AFF2: variants seen among roughly 807,000 people sequenced by gnomAD.
The protein encoded by AFF2 is AF4/FMR2 family member 2.
A neutral mutation model predicts 76.9 loss-of-function variants in AFF2; 14 were observed. The observed-to-expected ratio is 0.18, with a 90% CI of 0.12 to 0.28. The LOEUF is 0.28. Among genes scored for constraint, AFF2 ranks in the 10% least tolerant of loss-of-function variants. AFF2 has a pLI of 1.00. For missense variants in AFF2, 868 were observed against 1,001.1 expected, an observed-to-expected ratio of 0.87 and a Z score of 1.79; for synonymous variants, 398 against 366.7, an observed-to-expected ratio of 1.09 and a Z score of -0.98.
At chrX:148,981,708 A>T (rs1417028679) in intron 19 of AFF2, among the ~76,000 whole-genome samples, 2 of 112,099 alleles carry the variant, frequency 1.8e-5, no homozygotes. Context: ...TATAACTCCA[A>T]GCTGCTTTTT....
chrX:148,618,252 C>A (rs1265165521), intron 1 of AFF2, among the ~76,000 whole-genome samples: 2 of 111,327 alleles, frequency 1.8e-5, no homozygotes, highest in Non-Finnish European at 3.8e-5. Context: ...CTATAAAGAA[C>A]TGCCCAAGAT....
chrX:148,549,228 G>A (rs2052962818), intron 1 of AFF2, among the ~76,000 whole-genome samples: 1 of 112,261 alleles, frequency 8.9e-6, no homozygotes, highest in East Asian at 2.8e-4. Context: ...AAAAGCGAAT[G>A]AGCCTTAAAG....
At chrX:148,893,037 T>G (rs1396649441) in intron 8 of AFF2, among the ~76,000 whole-genome samples, 1 of 112,112 alleles carries the variant, frequency 8.9e-6, no homozygotes, top group Admixed American at 9.5e-5. Flanking sequence ...TGTCATTGCC[T>G]TTCATTGAAA....
At chrX:148,615,840 C>A (rs914818074) in intron 1 of AFF2, among the ~76,000 whole-genome samples, 10 of 111,522 alleles carry the variant, frequency 9.0e-5, no homozygotes, top group South Asian at 3.7e-4. Flanking sequence ...TGCCCCCCTC[C>A]CCAACCCAAA....
intron 1 of AFF2, among the ~76,000 whole-genome samples, chrX:148,553,190 C>T (rs981358476): frequency 2.7e-5 from 3 of 111,869 alleles, no homozygotes; most frequent in Admixed American, 9.5e-5. Context: ...TGAGTTTTGA[C>T]ATTTGCTTAC....
chrX:148,719,330 G>A, intron 3 of AFF2: 1 of 602,235 alleles, frequency 1.7e-6, no homozygotes, highest in Non-Finnish European at 2.6e-6. Context: ...TCACAGTGAG[G>A]TATTTCCTTT....
intron 3 of AFF2, among the ~76,000 whole-genome samples, chrX:148,750,299 C>G (rs1481340121): frequency 1.8e-5 from 2 of 111,396 alleles, no homozygotes; most frequent in Non-Finnish European, 3.8e-5. Context: ...TTCAGAGACT[C>G]CTATGCAGTC....
chrX:148,616,129 C>G (rs1358854186), intron 1 of AFF2, among the ~76,000 whole-genome samples: 1 of 111,618 alleles, frequency 9.0e-6, no homozygotes, highest in Non-Finnish European at 1.9e-5. Context: ...CCTGCCCCTC[C>G]TCAATGAGCG....
intron 3 of AFF2, among the ~76,000 whole-genome samples, chrX:148,778,320 T>C (rs1377281968): frequency 9.0e-6 from 1 of 111,387 alleles, no homozygotes; most frequent in Non-Finnish European, 1.9e-5. Flanking sequence ...TTTCTTTTTT[T>C]GTTGTGTCTC....
chrX:148,715,191 A>G (rs1265790633), intron 3 of AFF2, among the ~76,000 whole-genome samples: 4 of 111,283 alleles, frequency 3.6e-5, no homozygotes, highest in Admixed American at 9.6e-5. Flanking sequence ...GAAAGGACAC[A>G]TTATGTTTGC....
At chrX:148,938,378 T>C (rs1418869210) in intron 9 of AFF2, among the ~76,000 whole-genome samples, 1 of 112,361 alleles carries the variant, frequency 8.9e-6, no homozygotes, top group Admixed American at 9.5e-5. Flanking sequence ...ATTTACAGTA[T>C]TGTCTTGCGT....
At chrX:148,915,753 G>A (rs563509569) in intron 9 of AFF2, among the ~76,000 whole-genome samples, 17 of 112,204 alleles carry the variant, frequency 1.5e-4, no homozygotes, top group African/African-American at 3.9e-4. Context: ...ACCATGTTGC[G>A]CAGGTTTAAT....
At chrX:148,903,279 GA>G (rs1211763686) in intron 8 of AFF2, among the ~76,000 whole-genome samples, 5 of 110,075 alleles carry the variant, frequency 4.5e-5, no homozygotes, top group East Asian at 2.8e-4. Context: ...ACAGAAATAT[GA>G]AAAAAAAATC....
chrX:148,898,370 C>A (rs1210802991), intron 8 of AFF2, among the ~76,000 whole-genome samples: 3 of 111,992 alleles, frequency 2.7e-5, no homozygotes, highest in Non-Finnish European at 5.6e-5. Flanking sequence ...CAAAGTGGAG[C>A]CTTAGGAGGA....
In AFF2 at chrX:148,661,807, G is replaced by T. The variant is rs566156101; in HGVS notation, c.181-101G>T. 8.2e-6 allele frequency: 7 copies of T among 851,437 alleles called. No individual in the cohort carries two copies. In the South Asian group the frequency reaches 1.9e-4, roughly 23 times the overall value. 70.2% of individuals were successfully genotyped at this position (851,437 alleles called of 1,213,427 possible). ...CAGCAAGACATATTTAAAGAATCCC[G>T]TATGATAGTCTACTTAGGGCATCTG... On this transcript the variant is annotated intron_variant, in intron 2 of 20. Transcript: ENST00000370460.
rs1557287433 is a variant in AFF2, at chrX:148,956,609, A to G, written c.2564A>G (p.His855Arg). Reference sequence around the variant, plus strand: ...CCAGCCCCTAAGGGCAAACGTAAGCACAAGGTAAGCTGTCTAAAGTGGCCT... The same window carrying G: ...CCAGCCCCTAAGGGCAAACGTAAGCGCAAGGTAAGCTGTCTAAAGTGGCCT... ...EKPAPKGKRKHKPIEVAEKIP... is the reference protein window; with the variant it reads ...EKPAPKGKRKRKPIEVAEKIP... Residue 855 changes from histidine to arginine, a missense_variant, in exon 11 of 21, where the codon CAC becomes CGC. Physicochemically the swap from His to Arg is conservative, Grantham distance 29. Coordinates refer to ENST00000370460, the MANE Select transcript of AFF2 (RefSeq NM_002025.4). The G allele has an allele frequency of 8.3e-7, 1 of 1,207,498 alleles. No individual in the cohort carries two copies. Among genetic ancestry groups the G allele is most frequent in the East Asian group, 3.0e-5 (1 of 33,813 alleles).
At chrX:148,602,365 AT>A (rs1320744159) in intron 1 of AFF2, among the ~76,000 whole-genome samples, 1 of 111,087 alleles carries the variant, frequency 9.0e-6, no homozygotes, top group Non-Finnish European at 1.9e-5. Flanking sequence ...TTGTTGGAGA[AT>A]TTAAGTCAGA....
At chrX:148,668,152 AATG>A (rs782295409) in intron 3 of AFF2, among the ~76,000 whole-genome samples, 1 of 113,075 alleles carries the variant, frequency 8.8e-6, no homozygotes, top group African/African-American at 3.2e-5. Flanking sequence ...AAAGCTCCAA[AATG>A]ATCTCCTTTG....
intron 9 of AFF2, among the ~76,000 whole-genome samples, chrX:148,922,608 C>T (rs1205759326): frequency 8.9e-6 from 1 of 112,369 alleles, no homozygotes; most frequent in Non-Finnish European, 1.9e-5. Flanking sequence ...AGAAGGAAAA[C>T]TGGAAAGTAG....
Sources: gnomAD v4.1 joint callset for allele counts (sites outside exome capture counted in the v4.1 genomes callset) on GRCh38, gnomAD v4.1.1 for gene constraint, MANE v1.5 for transcripts, NCBI Gene and HGNC (gene_info 2026-07-23, HGNC 2026-07-21) for gene names.